Variants in FLII observed in about 807,000 individuals in gnomAD.
The protein encoded by FLII is FLII actin remodeling protein, also known as protein flightless-1 homolog.
In FLII, 101 loss-of-function variants were observed where a neutral mutation model predicts 156.2. The observed-to-expected ratio is 0.65, with a 90% CI of 0.55 to 0.76. The LOEUF is 0.76. Among genes scored for constraint, FLII ranks in the 30% least tolerant of loss-of-function variants. The pLI, the probability that FLII is intolerant of heterozygous loss-of-function variation, is 0.00. For synonymous variants in FLII, 767 were observed against 685.8 expected, an observed-to-expected ratio of 1.12 and a Z score of -1.85; for missense variants, 1,675 against 1,682.8, an observed-to-expected ratio of 1.00 and a Z score of 0.08.
rs1377374856 is a variant in FLII at position 18,246,002 on chromosome 17, C to T, written c.3328G>A (p.Asp1110Asn). Residue 1110 changes from aspartate (D) to asparagine (N), a missense_variant, in exon 26 of 30, where the codon GAC (aspartate) becomes AAC (asparagine). Asp to Asn is a conservative substitution (Grantham distance 23, BLOSUM62 1). Coordinates refer to ENST00000327031, the MANE Select transcript of FLII (RefSeq NM_002018.4). The part of the protein sequence containing the change: ...IVYAWVGRAS[D>N]PDEAKLAEDI... ...TCTGCCAACTTGGCTTCGTCAGGGT[C>T]TGATGCCCGGCCCACCCAGGCATAC... is the stretch of plus-strand genomic sequence containing the variant. 3 of 1,614,108 alleles carry T rather than the reference C, an allele frequency of 1.9e-6. No homozygotes were observed. The highest frequency in any genetic ancestry group is 2.5e-6 in the Non-Finnish European group (3 of 1,180,036).
intron 14 of FLII, 102 bp downstream of exon 14, chr17:18,250,736 C>CCTGCCCACCTGTT (rs2094998237): frequency 7.8e-7 from 1 of 1,283,294 alleles, no homozygotes; most frequent in African/African-American, 1.5e-5. Flanking sequence ...CAGCTCCCTG[C>CCTGCCCACCTGTT]CTGCCCACCT....
Position 18,251,396 on chromosome 17 carries a change from C to A in FLII, c.1465G>T (p.Glu489Ter). 1 of 1,613,574 alleles carries A rather than the reference C, an allele frequency of 6.2e-7. No homozygotes were observed. Among genetic ancestry groups the A allele is most frequent in the Non-Finnish European group, 8.5e-7 (1 of 1,180,006 alleles). The change falls in exon 13 of 30, where the codon GAG (glutamate) becomes TAG (stop). Residue 489 changes from glutamate (E) to a stop codon, truncating the protein, a stop_gained. Coordinates refer to ENST00000327031, the MANE Select transcript of FLII (RefSeq NM_002018.4). LOFTEE classifies it high-confidence loss of function. Reference sequence around the variant, plus strand: ...TGGCCCACGTCCTCCGTGAAGAACTCGGAGTAGTCAAGGCGGGGCTTCTCC... The same window carrying A: ...TGGCCCACGTCCTCCGTGAAGAACTAGGAGTAGTCAAGGCGGGGCTTCTCC... ...GLEKPRLDYS[E>*]FFTEDVGQLP... is the part of the protein sequence containing the mutation.
chr17:18,252,631 T>G (rs1389028233), intron 9 of FLII, 75 bp from the exon 10 acceptor site: 1 of 1,203,188 alleles, frequency 8.3e-7, no homozygotes, highest in Admixed American at 1.7e-5. Context: ...CCCCTAGTCC[T>G]GGGGAGGGGA....
chr17:18,249,571 C>T (rs970084309), intron 14 of FLII, among the ~76,000 whole-genome samples, 163 bp from the exon 15 acceptor site: 9 of 152,318 alleles, frequency 5.9e-5, no homozygotes, highest in African/African-American at 2.2e-4. Flanking sequence ...GGGTGGATCA[C>T]CTGAGGTCAG....
intron 14 of FLII, among the ~76,000 whole-genome samples, chr17:18,250,150 A>G (rs778396634): frequency 1.3e-5 from 2 of 152,154 alleles, no homozygotes; most frequent in African/African-American, 4.8e-5. Context: ...GTGTCTATAA[A>G]CATACACACG....
At chr17:18,254,353 G>A (rs185059040) in intron 6 of FLII, among the ~76,000 whole-genome samples, 168 bp downstream of exon 6, 278 of 152,246 alleles carry the variant, frequency 1.8e-3, no homozygotes, top group Middle Eastern at 0.01. Flanking sequence ...GGGAAGACAG[G>A]ACTGAGAGGT....
chr17:18,244,895 A>AT lies in FLII; in HGVS notation c.*242dup. 1 of 517,962 alleles carries AT rather than the reference A, an allele frequency of 1.9e-6. No individual in the cohort carries two copies. 32.1% of individuals were successfully genotyped at this position (517,962 alleles called of 1,614,324 possible). On this transcript the variant is annotated 3_prime_UTR_variant, in exon 30 of 30. Coordinates refer to ENST00000327031, the MANE Select transcript of FLII (RefSeq NM_002018.4). ...CTTAAAGGGCATCCACATCTGCTTT[A>AT]TCCCTAGCGGAAGAGTGAGGGGGCT...
At position 18,252,575 on chromosome 17, in the gene FLII, C is replaced by T; in HGVS notation, c.1014-19G>A. 6.2e-7 allele frequency: 1 copy of T among 1,605,730 alleles called. No homozygotes were observed. Among genetic ancestry groups the T allele is most frequent in the African/African-American group, 1.3e-5 (1 of 74,910 alleles). ...TGGGCACCTGTGAAGACAGGGCCAG[C>T]CAGGGCCTCAGGCAGGTGACAGACA... is the stretch of plus-strand genomic sequence containing the variant. On this transcript the variant is annotated intron_variant, in intron 9 of 29. Transcript: ENST00000327031.
At chr17:18,249,000 AC>A (rs915886702) in intron 16 of FLII, 117 bp from the exon 17 acceptor site, 18 of 1,356,964 alleles carry the variant, frequency 1.3e-5, no homozygotes, top group African/African-American at 2.9e-5. Flanking sequence ...AGCCCCAGGG[AC>A]CCCCCGCCAA....
At position 18,258,654 on chromosome 17, in the gene FLII, C is replaced by T; in HGVS notation, c.37G>A (p.Val13Met). Reference protein sequence around the residue: ...ATGVLPFVRGVDLSGNDFKGG... With the variant: ...ATGVLPFVRGMDLSGNDFKGG... ...TTGAAGTCGTTGCCGCTGAGGTCCA[C>T]GCCACGCACGAACGGCAGCACCCCG... is the stretch of plus-strand genomic sequence containing the variant. Residue 13 changes from valine (V) to methionine (M), a missense_variant, in exon 1 of 30, where the codon GTG becomes ATG. This residue lies in a region of FLII where 343 missense variants were observed against 413.5 expected (regional missense o/e 0.83). Coordinates refer to ENST00000327031, the MANE Select transcript of FLII (RefSeq NM_002018.4). The surrounding 1 kb of genome is among the most constrained non-coding windows in gnomAD (Gnocchi z 4.2). 2 of 1,551,700 alleles carry T rather than the reference C, an allele frequency of 1.3e-6. No homozygotes were observed. Among genetic ancestry groups the T allele is most frequent in the Non-Finnish European group, 1.7e-6 (2 of 1,158,830 alleles).
chr17:18,251,134 C>A (rs1036333142), intron 13 of FLII, 117 bp from the exon 14 acceptor site: 3 of 1,401,750 alleles, frequency 2.1e-6, no homozygotes, highest in Non-Finnish European at 2.9e-6. Flanking sequence ...TGCCCCTGTG[C>A]CTGGACCACC....
In FLII at chr17:18,252,061, G is replaced by A. The variant is rs1234678013; in HGVS notation, c.1184C>T (p.Ser395Leu). Residue 395 changes from serine to leucine, a missense_variant, in exon 11 of 30, where the codon TCG (serine) becomes TTG (leucine). Around this residue, in one of 2 missense-constraint regions of FLII, gnomAD observed 1,332 missense variants for 1,269.3 expected, o/e 1.05. Coordinates refer to ENST00000327031, the MANE Select transcript of FLII (RefSeq NM_002018.4). Reference protein sequence around the residue: ...RAAEWYNIDFSLQNQLRLAGA... With the variant: ...RAAEWYNIDFLLQNQLRLAGA... The stretch of plus-strand genomic sequence containing the variant: ...CGCTAGCCGCAGCTGGTTCTGCAGC[G>A]AGAAGTCGATGTTGTACCACTCAGC... 2.3e-5 allele frequency: 37 copies of A among 1,613,236 alleles called. No homozygotes were observed. Among genetic ancestry groups the A allele is most frequent in the South Asian group, 4.4e-5 (4 of 91,092 alleles).
Position 18,258,382 on chromosome 17 carries a change from GC to G in FLII, c.63+245del. 6.3e-6 allele frequency: 7 copies of G among 1,113,420 alleles called. No homozygotes were observed. The highest frequency in any genetic ancestry group is 1.5e-5 in the South Asian group (1 of 66,338). The allele number at this position is 1,113,420 out of a possible 1,614,324, so 69.0% of individuals were successfully genotyped here. A position where few individuals can be genotyped will look rare whatever the true frequency, so the allele number is the denominator to read the frequency against. On this transcript the variant is annotated intron_variant, in intron 1 of 29. Coordinates refer to ENST00000327031, the MANE Select transcript of FLII (RefSeq NM_002018.4). This position sits in a 1 kb window ranked among gnomAD's most constrained non-coding sequence, Gnocchi z 4.2. Reference sequence around the variant, plus strand: ...ACGCGGGGTGGGGGCTCCCGGCCGGGCCCCCGGCGGGACTCCGAGCCCAAGC... The same window carrying G: ...ACGCGGGGTGGGGGCTCCCGGCCGGGCCCCGGCGGGACTCCGAGCCCAAGC...
At chr17:18,248,111 C>T (rs998176762) in intron 18 of FLII, 78 bp from the exon 19 acceptor site, 2 of 935,758 alleles carry the variant, frequency 2.1e-6, no homozygotes, top group African/African-American at 1.6e-5. Flanking sequence ...GCTCTGGAAC[C>T]AGCCCTGCCC....
Position 18,254,505 on chromosome 17 carries a change from C to A in FLII, c.575+16G>T. The A allele has an allele frequency of 1.3e-6, 2 of 1,596,924 alleles. No individual in the cohort carries two copies. The highest frequency in any genetic ancestry group is 1.7e-6 in the Non-Finnish European group (2 of 1,173,834). On this transcript the variant is annotated intron_variant, in intron 6 of 29. Transcript: ENST00000327031. ...AGGGTGGCTTCTGCAGGAGTGCGGT[C>A]CGAGGGGGCGCCCACCGGAGCTGTG...
In FLII at chr17:18,245,753, C is replaced by T. The variant is rs202201735; in HGVS notation, c.3494G>A (p.Arg1165His). The T allele has an allele frequency of 1.9e-4, 312 of 1,613,860 alleles. No individual in the cohort carries two copies. The highest frequency in any genetic ancestry group is 3.7e-5 in the Non-Finnish European group (44 of 1,179,860). ...AGGGCCCTGGCCTCACCGGAAGAGA[C>T]GTGTGTGTTTCATGTACTCGGCATC... is the stretch of plus-strand genomic sequence containing the variant. ...DDDAEYMKHTRLFRCSNEKGY... is the reference protein window; with the variant it reads ...DDDAEYMKHTHLFRCSNEKGY... Residue 1165 changes from arginine (R) to histidine (H), a missense_variant, in exon 27 of 30, where the codon CGT (arginine) becomes CAT (histidine). Physicochemically the swap from Arg to His is conservative, Grantham distance 29 (BLOSUM62 0). Around this residue, in one of 2 missense-constraint regions of FLII, gnomAD observed 1,332 missense variants for 1,269.3 expected, o/e 1.05. Coordinates refer to ENST00000327031, the MANE Select transcript of FLII (RefSeq NM_002018.4).
Position 18,247,780 on chromosome 17 carries a change from G to A in FLII, c.2364C>T (p.Leu788=), listed in dbSNP as rs760594872. 7 of 1,610,684 alleles carry A rather than the reference G, an allele frequency of 4.3e-6. No individual in the cohort carries two copies. In the African/African-American group the frequency reaches 5.3e-5, roughly 12 times the overall value. The change falls in exon 20 of 30, where the codon CTC becomes CTT. Residue 788 remains leucine (L), a synonymous_variant. Transcript: ENST00000327031. The stretch of plus-strand genomic sequence containing the variant: ...GCACCAGGCGCGGGGACTTGCGGCC[G>A]AGCCAGATGAACACGTCGGACCAAC... The part of the protein sequence containing the change: ...LDCWSDVFIW[L]GRKSPRLVRA...
At chr17:18,252,825 T>C (rs2048310776) in intron 9 of FLII, among the ~76,000 whole-genome samples, 1 of 152,124 alleles carries the variant, frequency 6.6e-6, no homozygotes, top group Non-Finnish European at 1.5e-5. Flanking sequence ...GGGGCTCAAG[T>C]TGGGAATGGC....
rs1444356973 is a variant in FLII, at chr17:18,258,058, C to G, written c.63+570G>C. ...GCACCTGGCACACCGGCCTGACACA[C>G]TCTCCACACCAACAAATCTCACTAT... On this transcript the variant is annotated intron_variant, in intron 1 of 29. Transcript: ENST00000327031. This position sits in a 1 kb window ranked among gnomAD's most constrained non-coding sequence, Gnocchi z 4.2. Among the ~76,000 whole-genome samples, 1 of 152,266 alleles carries G rather than the reference C, an allele frequency of 6.6e-6. No individual in the cohort carries two copies. The highest frequency in any genetic ancestry group is 1.5e-5 in the Non-Finnish European group (1 of 68,044).
Sources: allele counts gnomAD v4.1 joint callset (sites outside exome capture counted in the v4.1 genomes callset), GRCh38; gene constraint gnomAD v4.1.1; regional missense constraint gnomAD v4.1.1; non-coding constraint Gnocchi (gnomAD v3.1); transcripts MANE v1.5; gene names NCBI Gene and HGNC (gene_info 2026-07-23, HGNC 2026-07-21).